Variants in ARL10 observed in about 807,000 individuals in gnomAD.
ARL10 encodes the protein ADP-ribosylation factor-like protein 10.
Under a neutral mutation model 26.1 loss-of-function variants are expected in ARL10, and 23 were observed. The ratio of observed to expected loss-of-function variants is 0.88; its 90% CI spans 0.63 to 1.25. The LOEUF (loss-of-function observed/expected upper bound fraction) is 1.25, where lower values mean the gene tolerates loss of function less well. Ranked by LOEUF, ARL10 falls within the 50% of genes most tolerant of loss-of-function variation. The probability of loss-of-function intolerance (pLI) is 0.00; values close to 1 mark genes in which losing one functional copy is unlikely to be tolerated. For missense variants in ARL10, 300 were observed against 323.6 expected (o/e 0.93, Z 0.56); for synonymous variants, 138 against 149.1 (o/e 0.93, Z 0.54).
At chr5:176,399,664 C>T (rs964878351) in intron 1 of ARL10, among the ~76,000 whole-genome samples, 5 of 151,386 alleles carry the variant, frequency 3.3e-5, no homozygotes, top group South Asian at 4.2e-4. Context: ...GAGGCCGAAG[C>T]GGGCAGATCA....
At chr5:176,382,342 G>T (rs1382234464), downstream of ARL10, among the ~76,000 whole-genome samples, 1 of 152,208 alleles carries the variant, frequency 6.6e-6, no homozygotes, top group East Asian at 1.9e-4. Context: ...AAACCCAACA[G>T]CTGCCAACCT....
In ARL10 at chr5:176,373,065, G is replaced by C. The variant is rs1768594273; in HGVS notation, c.*1170G>C. 1 of 398,466 alleles carries C rather than the reference G, an allele frequency of 2.5e-6. No individual in the cohort carries two copies. The highest frequency in any genetic ancestry group is 4.4e-6 in the Non-Finnish European group (1 of 226,064). 24.7% of individuals were successfully genotyped at this position (398,466 alleles called of 1,614,324 possible). ...CACCACTTGGCCCAGGATGTTGAAA[G>C]GGTGCAAATTCCTTCTGGGTAGATA... On this transcript the variant is annotated 3_prime_UTR_variant, in exon 4 of 4. Transcript: ENST00000310389.
chr5:176,414,694 A>G, the ARL10 span, among the ~76,000 whole-genome samples: 1 of 152,156 alleles, frequency 6.6e-6, no homozygotes, highest in African/African-American at 2.4e-5. Flanking sequence ...CAGAGTTGGG[A>G]GGCGTGGGAT....
At chr5:176,397,338 C>T (rs1275029664) in intron 1 of ARL10, among the ~76,000 whole-genome samples, 48 of 145,850 alleles carry the variant, frequency 3.3e-4, no homozygotes, top group Non-Finnish European at 1.4e-4. Context: ...CCTCTCATGT[C>T]CCCACAGCCC....
chr5:176,371,281 A>G (rs1768528994), intron 3 of ARL10, among the ~76,000 whole-genome samples: 1 of 152,242 alleles, frequency 6.6e-6, no homozygotes, highest in Admixed American at 6.5e-5. Flanking sequence ...AGGCTGAAGC[A>G]GGAGAATCGC....
intron 1 of ARL10, among the ~76,000 whole-genome samples, chr5:176,399,667 G>A (rs1756715827): frequency 6.6e-6 from 1 of 152,172 alleles, no homozygotes; most frequent in Non-Finnish European, 1.5e-5. Context: ...GCCGAAGCGG[G>A]CAGATCACTT....
chr5:176,413,460 G>A, the ARL10 span, among the ~76,000 whole-genome samples: 1 of 152,198 alleles, frequency 6.6e-6, no homozygotes, highest in Admixed American at 6.5e-5. Flanking sequence ...AGATCACCCA[G>A]GGCCACAGAT....
At position 176,379,874 on chromosome 5, in the gene ARL10, A is replaced by T. The variant is rs1389187975; in HGVS notation, c.*7979A>T. On this transcript the variant is annotated 3_prime_UTR_variant, in exon 4 of 4. Transcript: ENST00000310389. ...CATTCTGCTCCTGCTGTCAATTTTC[A>T]AGCTTCACCAGTATCATGTGAATAA... 6.6e-6 allele frequency: 1 copy of T among 152,152 alleles called. No individual in the cohort carries two copies. The highest frequency in any genetic ancestry group is 1.9e-4 in the East Asian group (1 of 5,188). The allele number at this position is 152,152 out of a possible 1,614,324, so 9.4% of individuals were successfully genotyped here. A position where few individuals can be genotyped will look rare whatever the true frequency, so the allele number is the denominator to read the frequency against.
At chr5:176,414,902 T>C in the ARL10 span, among the ~76,000 whole-genome samples, 1 of 152,162 alleles carries the variant, frequency 6.6e-6, no homozygotes, top group Admixed American at 6.5e-5. Context: ...ACACAGTAGG[T>C]GCTCAGTAAA....
At chr5:176,397,896 C>G in intron 1 of ARL10, 1 of 1,588,102 alleles carries the variant, frequency 6.3e-7, no homozygotes, top group South Asian at 1.1e-5. Flanking sequence ...ACACACAGCC[C>G]ACCCAGCCAA....
rs149268243 is a variant in ARL10, at chr5:176,397,646, C to T, written c.134-4095C>T. ...GTTCTTCTCTACTTGTTCACTCTGG[C>T]GCTGGTTCCACTCCTCCAGGTCCTT... On this transcript the variant is annotated intron_variant, in intron 1 of 1. Transcript: ENST00000514533. 3.0e-4 allele frequency: 477 copies of T among 1,612,194 alleles called. 3 individuals carry two copies. Among genetic ancestry groups the T allele is most frequent in the Admixed American group, 3.7e-4 (22 of 59,794 alleles).
downstream of ARL10, chr5:176,388,753 C>G (rs975640711): frequency 1.3e-6 from 2 of 1,569,836 alleles, no homozygotes; most frequent in Non-Finnish European, 1.7e-6. Flanking sequence ...TTCCCCGCCC[C>G]TTTCATGACC....
At chr5:176,365,781 C>T in intron 1 of ARL10, 35 bp downstream of exon 1, 1 of 1,232,372 alleles carries the variant, frequency 8.1e-7, no homozygotes, top group Admixed American at 4.2e-5. Flanking sequence ...GAAGGGCGGG[C>T]AGGCTGGGCT....
chr5:176,413,904 C>T, the ARL10 span, among the ~76,000 whole-genome samples: 4 of 152,198 alleles, frequency 2.6e-5, no homozygotes, highest in South Asian at 2.1e-4. Context: ...GTATCCCCGG[C>T]ACCTCCCTGG....
At chr5:176,396,937 C>T (rs973602359) in intron 1 of ARL10, among the ~76,000 whole-genome samples, 1 of 152,032 alleles carries the variant, frequency 6.6e-6, no homozygotes, top group African/African-American at 2.4e-5. Flanking sequence ...TCTAGAATGC[C>T]CCCCTACCTC....
chr5:176,373,140 A>G lies in ARL10; in HGVS notation c.*1245A>G, dbSNP rs1768598856. The G allele has an allele frequency of 2.5e-6, 1 of 398,120 alleles. No homozygotes were observed. The highest frequency in any genetic ancestry group is 2.1e-5 in the African/African-American group (1 of 48,644). The allele number at this position is 398,120 out of a possible 1,614,324, so 24.7% of individuals were successfully genotyped here. On this transcript the variant is annotated 3_prime_UTR_variant, in exon 4 of 4. Transcript: ENST00000310389. Reference sequence around the variant, plus strand: ...CCCTTATGTGAATCTAGGTAAAAAGATGGAAAAAAATTGTATTATGTGATC... The same window carrying G: ...CCCTTATGTGAATCTAGGTAAAAAGGTGGAAAAAAATTGTATTATGTGATC...
At chr5:176,401,734 G>A (rs749178726) in intron 1 of ARL10, 3 of 456,054 alleles carry the variant, frequency 6.6e-6, no homozygotes, top group South Asian at 4.6e-5. Context: ...TTGGATTTTT[G>A]TTCCAGATGT....
At position 176,381,313 on chromosome 5, in the gene ARL10, G is replaced by T. The variant is rs1370737233; in HGVS notation, c.*9418G>T. The T allele has an allele frequency of 6.6e-6, 1 of 152,186 alleles. No homozygotes were observed. The highest frequency in any genetic ancestry group is 1.5e-5 in the Non-Finnish European group (1 of 68,038). 9.4% of individuals were successfully genotyped at this position (152,186 alleles called of 1,614,324 possible). A position where few individuals can be genotyped will look rare whatever the true frequency, so the allele number is the denominator to read the frequency against. On this transcript the variant is annotated 3_prime_UTR_variant, in exon 4 of 4. Coordinates refer to ENST00000310389, the MANE Select transcript of ARL10 (RefSeq NM_173664.6). ...CTATGACCTCCAGTTGCTGTGAGGG[G>T]TCAGTGGGCACAATGGGCCCTGGCA...
rs565130756 is a variant in ARL10 at position 176,376,159 on chromosome 5, A to G, written c.*4264A>G. On this transcript the variant is annotated 3_prime_UTR_variant, in exon 4 of 4. Transcript: ENST00000310389. ...GACGGATCACGAGGTCAGGAGATCG[A>G]GACAATCCTGGCTAACACAGTGAAA... The G allele has an allele frequency of 1.3e-4, 20 of 152,302 alleles. No homozygotes were observed. The highest frequency in any genetic ancestry group is 4.6e-4 in the African/African-American group (19 of 41,548). 9.4% of individuals were successfully genotyped at this position (152,302 alleles called of 1,614,324 possible). A position where few individuals can be genotyped will look rare whatever the true frequency, so the allele number is the denominator to read the frequency against.
Sources: gnomAD v4.1 joint callset for allele counts (sites outside exome capture counted in the v4.1 genomes callset) on GRCh38, gnomAD v4.1.1 for gene constraint, MANE v1.5 for transcripts, NCBI Gene and HGNC (gene_info 2026-07-23, HGNC 2026-07-21) for gene names.